CCT4: variants seen among roughly 807,000 people sequenced by gnomAD.
The protein encoded by CCT4 is T-complex protein 1 subunit delta.
CCT4 carries 17 observed loss-of-function variants against 62.5 expected under a neutral mutation model. The observed-to-expected ratio is 0.27, with a 90% confidence interval of 0.19 to 0.41. The LOEUF (loss-of-function observed/expected upper bound fraction) is 0.41, where lower values mean the gene tolerates loss of function less well. Ranked by LOEUF, CCT4 falls within the 10% of genes least tolerant of loss-of-function variation. The pLI, the probability that CCT4 is intolerant of heterozygous loss-of-function variation, is 1.00. For synonymous variants in CCT4, 250 were observed against 229.9 expected (o/e 1.09, Z -0.79); for missense variants, 592 against 659.2 (o/e 0.90, Z 1.12).
At chr2:61,876,837 GTATTTTC>G in intron 7 of CCT4, 76 bp downstream of exon 7, 1 of 1,173,842 alleles carries the variant, frequency 8.5e-7, no homozygotes, top group South Asian at 1.5e-5. Flanking sequence ...ATCACTAGTA[GTATTTTC>G]TATTTTTAAT....
intron 13 of CCT4, chr2:61,868,940 G>T (rs1668827947): frequency 1.1e-5 from 5 of 447,808 alleles, no homozygotes; most frequent in Non-Finnish European, 2.0e-5. Flanking sequence ...TTCGAGACCA[G>T]CCTGACCAAC....
chr2:61,885,429 T>G (rs1245381284), intron 1 of CCT4, among the ~76,000 whole-genome samples: 1 of 152,140 alleles, frequency 6.6e-6, no homozygotes, highest in Non-Finnish European at 1.5e-5. Flanking sequence ...TATTATTTTT[T>G]GAGACATGGT....
At chr2:61,881,259 A>AT (rs991479199) in intron 3 of CCT4, among the ~76,000 whole-genome samples, 1 of 151,846 alleles carries the variant, frequency 6.6e-6, no homozygotes, top group South Asian at 2.1e-4. Context: ...TATAATAATC[A>AT]TTTTTTTCAA....
At position 61,888,526 on chromosome 2, in the gene CCT4, T is replaced by A. The variant is rs780999473; in HGVS notation, c.-19A>T. On this transcript the variant is annotated 5_prime_UTR_variant, in exon 1 of 14. Coordinates refer to ENST00000394440, the MANE Select transcript of CCT4 (RefSeq NM_006430.4). ...CGGGCATGGCAAACTCCGCTGTGTC[T>A]GGGTTGGCTCGGGAAGGACGGATGG... 3.1e-6 allele frequency: 5 copies of A among 1,607,476 alleles called. No individual in the cohort carries two copies. The South Asian group carries it at 4.4e-5, about 14-fold the overall frequency.
Position 61,879,256 on chromosome 2 carries a change from C to CTTTTTTTTTTTTTTTTTTTTTTTTT in CCT4, c.380-246_380-245insAAAAAAAAAAAAAAAAAAAAAAAAA, listed in dbSNP as rs35373962. ...GTCTTGACTAAAACCAAATTTTATA[C>CTTTTTTTTTTTTTTTTTTTTTTTTT]TTTTTTTTTTTTTTTTTTTTTCTGA... On this transcript the variant is annotated intron_variant, in intron 4 of 13. Transcript: ENST00000394440. 2.0e-5 allele frequency among the ~76,000 whole-genome samples: 2 copies of CTTTTTTTTTTTTTTTTTTTTTTTTT among 101,078 alleles called. 1 individual carries two copies. The highest frequency in any genetic ancestry group is 2.9e-4 in the Admixed American group (2 of 6,952). 66.3% of individuals were successfully genotyped at this position (101,078 alleles called of 152,430 possible).
intron 11 of CCT4, 55 bp downstream of exon 11, chr2:61,872,403 A>G: frequency 1.4e-6 from 2 of 1,458,554 alleles, no homozygotes; most frequent in African/African-American, 1.4e-5. Context: ...TAAAAAATAG[A>G]ATATAATAGT....
intron 4 of CCT4, among the ~76,000 whole-genome samples, chr2:61,879,304 C>T (rs1441661983): frequency 6.9e-6 from 1 of 145,438 alleles, no homozygotes; most frequent in East Asian, 2.0e-4. Context: ...CTCTGTCACC[C>T]AGGCTAGAGT....
rs1384083488 is a variant in CCT4 at position 61,876,197 on chromosome 2, A to G, written c.815T>C (p.Met272Thr). The change falls in exon 8 of 14, where the codon ATG becomes ACG. Residue 272 changes from methionine (M) to threonine (T), a missense_variant. Around this residue, in one of 3 missense-constraint regions of CCT4, gnomAD observed 522 missense variants for 571.2 expected, o/e 0.91. Coordinates refer to ENST00000394440, the MANE Select transcript of CCT4 (RefSeq NM_006430.4). The part of the protein sequence containing the change: ...NQIVVSDYAQ[M>T]DRVLREERAY... ...TCTCTCTTCTCGCAGCACTCGGTCCATCTGGGCATAGTCAGAAACCACTAT... is the reference window on the plus strand; with the variant it reads ...TCTCTCTTCTCGCAGCACTCGGTCCGTCTGGGCATAGTCAGAAACCACTAT... 1 of 1,610,706 alleles carries G rather than the reference A, an allele frequency of 6.2e-7. No individual in the cohort carries two copies. The highest frequency in any genetic ancestry group is 2.2e-5 in the East Asian group (1 of 44,818).
rs186760521 is a variant in CCT4, at chr2:61,882,556, C to T, written c.270+903G>A. On this transcript the variant is annotated intron_variant, in intron 3 of 13. Coordinates refer to ENST00000394440, the MANE Select transcript of CCT4 (RefSeq NM_006430.4). ...TTTGAGACAGGGTCTCGCTTTGTCA[C>T]CCAGGCTGGAGTGCAGTGGCGCAAT... Among the ~76,000 whole-genome samples the T allele has an allele frequency of 7.6e-4, 115 of 151,806 alleles. 1 individual carries two copies. The highest frequency in any genetic ancestry group is 2.7e-3 in the African/African-American group (112 of 41,420).
At position 61,888,637 on chromosome 2, in the gene CCT4, A is replaced by AAGAGGC; in HGVS notation, c.-131_-130insGCCTCT. 8.8e-7 allele frequency: 1 copy of AAGAGGC among 1,130,882 alleles called. No individual in the cohort carries two copies. The highest frequency in any genetic ancestry group is 1.6e-5 in the South Asian group (1 of 61,204). The allele number at this position is 1,130,882 out of a possible 1,614,324, so 70.1% of individuals were successfully genotyped here. ...TCCAGAAAGCGGCGCCGGCGTCGGGAGGAGGCGGAGGCGGAGAAGGGGGCC... is the reference window on the plus strand; with the variant it reads ...TCCAGAAAGCGGCGCCGGCGTCGGGAAGAGGCGGAGGCGGAGGCGGAGAAGGGGGCC... On this transcript the variant is annotated 5_prime_UTR_variant, in exon 1 of 14. Coordinates refer to ENST00000394440, the MANE Select transcript of CCT4 (RefSeq NM_006430.4).
chr2:61,872,028 C>G, intron 12 of CCT4, 54 bp downstream of exon 12: 1 of 1,291,796 alleles, frequency 7.7e-7, no homozygotes, highest in Non-Finnish European at 1.1e-6. Flanking sequence ...GACTACAAAG[C>G]TTTTAATATT....
chr2:61,888,498 T>G lies in CCT4; in HGVS notation c.10A>C (p.Asn4His). ...GTCGCCCCGCTCCGGGGTGCCACATTCTCGGGCATGGCAAACTCCGCTGTG... is the reference window on the plus strand; with the variant it reads ...GTCGCCCCGCTCCGGGGTGCCACATGCTCGGGCATGGCAAACTCCGCTGTG... MPE[N>H]VAPRSGATAG... Residue 4 changes from asparagine (N) to histidine (H), a missense_variant, in exon 1 of 14, where the codon AAT becomes CAT. By Grantham distance (68) the Asn-to-His change is moderately conservative. Transcript: ENST00000394440. 1 of 1,611,878 alleles carries G rather than the reference T, an allele frequency of 6.2e-7. No individual in the cohort carries two copies. Among genetic ancestry groups the G allele is most frequent in the South Asian group, 1.1e-5 (1 of 90,904 alleles).
intron 2 of CCT4, among the ~76,000 whole-genome samples, chr2:61,883,905 G>C (rs1669176323): frequency 6.6e-6 from 1 of 151,954 alleles, no homozygotes; most frequent in East Asian, 1.9e-4. Flanking sequence ...TGCCCCTAAA[G>C]CAGTACCATG....
chr2:61,888,069 T>C (rs1669300321), intron 1 of CCT4: 2 of 297,946 alleles, frequency 6.7e-6, no homozygotes, highest in African/African-American at 4.3e-5. Flanking sequence ...GTCAGATCCC[T>C]AGTGAAGACT....
chr2:61,884,800 G>A (rs947602206), intron 2 of CCT4, among the ~76,000 whole-genome samples: 1 of 151,888 alleles, frequency 6.6e-6, no homozygotes, highest in Admixed American at 6.6e-5. Context: ...GGCTAATTTT[G>A]TATTTTTAGT....
At chr2:61,882,707 C>G (rs539787832) in intron 3 of CCT4, among the ~76,000 whole-genome samples, 5 of 152,094 alleles carry the variant, frequency 3.3e-5, no homozygotes, top group African/African-American at 1.2e-4. Context: ...GACAAGGTCT[C>G]GCCATGTTGG....
intron 3 of CCT4, among the ~76,000 whole-genome samples, chr2:61,881,286 T>TTA (rs1232034775): frequency 6.6e-6 from 1 of 152,180 alleles, no homozygotes; most frequent in African/African-American, 2.4e-5. Context: ...AATAGCAATA[T>TTA]TATATATAGA....
chr2:61,888,604 A>C lies in CCT4; in HGVS notation c.-97T>G, dbSNP rs1223115101. 5.0e-6 allele frequency: 7 copies of C among 1,399,904 alleles called. No individual in the cohort carries two copies. The African/African-American group carries it at 1.0e-4, about 20-fold the overall frequency. The allele number at this position is 1,399,904 out of a possible 1,614,324, so 86.7% of individuals were successfully genotyped here. ...ATAACGGTAAGCCCTCACTGCCTTCACGAACCTTCCAGAAAGCGGCGCCGG... is the reference window on the plus strand; with the variant it reads ...ATAACGGTAAGCCCTCACTGCCTTCCCGAACCTTCCAGAAAGCGGCGCCGG... On this transcript the variant is annotated 5_prime_UTR_variant, in exon 1 of 14. Transcript: ENST00000394440.
At chr2:61,870,587 C>T (rs958345869) in intron 12 of CCT4, among the ~76,000 whole-genome samples, 3 of 152,104 alleles carry the variant, frequency 2.0e-5, no homozygotes, top group Non-Finnish European at 4.4e-5. Context: ...TTCCAGTCTT[C>T]CCTTCTTAAA....
Sources: allele counts gnomAD v4.1 joint callset (sites outside exome capture counted in the v4.1 genomes callset), GRCh38; gene constraint gnomAD v4.1.1; regional missense constraint gnomAD v4.1.1; transcripts MANE v1.5; gene names NCBI Gene and HGNC (gene_info 2026-07-23, HGNC 2026-07-21).